The following NAALADL2 variants were observed in gnomAD, a reference collection of about 807,000 sequenced individuals.
NAALADL2 encodes N-acetylated alpha-linked acidic dipeptidase like 2.
Under a neutral mutation model 87.2 loss-of-function variants are expected in NAALADL2, and 76 were observed. The ratio of observed to expected loss-of-function variants is 0.87; its 90% CI spans 0.72 to 1.05. The LOEUF (loss-of-function observed/expected upper bound fraction) is 1.05. NAALADL2 is among the 50% of genes least tolerant of loss of function. The pLI is 0.00. For missense variants in NAALADL2, 1,089 were observed against 945.8 expected, an observed-to-expected ratio of 1.15 and a Z score of -1.99; for synonymous variants, 354 against 331.0, an observed-to-expected ratio of 1.07 and a Z score of -0.75.
chr3:175,573,604 G>A (rs78708200), intron 9 of NAALADL2, among the ~76,000 whole-genome samples: 3,514 of 152,238 alleles, frequency 0.023, 154 homozygotes, highest in African/African-American at 0.08. Context: ...TACCTCCAGA[G>A]GTGCTCGGGA....
chr3:175,015,404 G>A lies in NAALADL2; in HGVS notation c.44-81386G>A, dbSNP rs115963800. Among the ~76,000 whole-genome samples, 712 of 152,220 alleles carry A rather than the reference G, an allele frequency of 4.7e-3. 11 individuals carry two copies. Among genetic ancestry groups the A allele is most frequent in the African/African-American group, 0.017 (689 of 41,560 alleles). The stretch of plus-strand genomic sequence containing the variant: ...TAGGGAAAAGCCTGTTCTGCCATTA[G>A]AGAAGTGCATTAAGCAGTCGCCGTT... On this transcript the variant is annotated intron_variant, in intron 1 of 13. Coordinates refer to ENST00000454872, the MANE Select transcript of NAALADL2 (RefSeq NM_207015.3).
At chr3:174,817,090 G>A (rs1026057530) in intron 3 of NAALADL2, among the ~76,000 whole-genome samples, 1 of 152,138 alleles carries the variant, frequency 6.6e-6, no homozygotes, top group African/African-American at 2.4e-5. Flanking sequence ...TTACTTTGGT[G>A]GAAGTGTGTG....
chr3:174,906,604 T>G (rs1732993882), intron 1 of NAALADL2, among the ~76,000 whole-genome samples: 1 of 152,072 alleles, frequency 6.6e-6, no homozygotes, highest in South Asian at 2.1e-4. Context: ...TGCAAAGAAC[T>G]GAATCTTGCC....
intron 13 of NAALADL2, among the ~76,000 whole-genome samples, chr3:175,772,981 A>G (rs1749713288): frequency 6.6e-6 from 1 of 152,120 alleles, no homozygotes; most frequent in Non-Finnish European, 1.5e-5. Flanking sequence ...TCGAGGAGTA[A>G]AAGGTTTGTG....
chr3:175,144,147 A>G (rs1163942610), intron 2 of NAALADL2, among the ~76,000 whole-genome samples: 2 of 151,926 alleles, frequency 1.3e-5, no homozygotes, highest in Non-Finnish European at 2.9e-5. Flanking sequence ...AAAGATGGCT[A>G]TAAAACACTG....
chr3:174,767,082 G>A (rs960164395), intron 3 of NAALADL2, among the ~76,000 whole-genome samples: 2 of 152,168 alleles, frequency 1.3e-5, no homozygotes, highest in Non-Finnish European at 2.9e-5. Context: ...ACAGCCTTTG[G>A]TTCAGTCTCA....
At chr3:175,024,552 G>A (rs1394730636) in intron 1 of NAALADL2, among the ~76,000 whole-genome samples, 1 of 151,950 alleles carries the variant, frequency 6.6e-6, no homozygotes, top group Admixed American at 6.6e-5. Flanking sequence ...ATAGGTAAGA[G>A]GAAATGAGAA....
chr3:174,842,761 A>G (rs913981183), intron 3 of NAALADL2, among the ~76,000 whole-genome samples: 70 of 152,124 alleles, frequency 4.6e-4, no homozygotes, highest in Admixed American at 1.2e-3. Context: ...AATTATGAAA[A>G]CTTACCTACA....
chr3:174,837,370 T>C (rs113110170), intron 3 of NAALADL2, among the ~76,000 whole-genome samples: 4 of 152,340 alleles, frequency 2.6e-5, no homozygotes, highest in Non-Finnish European at 4.4e-5. Flanking sequence ...AACACCTTTA[T>C]GCACATAAAC....
chr3:174,646,861 C>T (rs1338742834), intron 2 of NAALADL2, among the ~76,000 whole-genome samples: 1 of 152,036 alleles, frequency 6.6e-6, no homozygotes, highest in Non-Finnish European at 1.5e-5. Context: ...AATAACATTA[C>T]ATTTGATTAA....
chr3:175,547,553 C>A (rs1713564632), intron 9 of NAALADL2, among the ~76,000 whole-genome samples: 1 of 151,854 alleles, frequency 6.6e-6, no homozygotes, highest in South Asian at 2.1e-4. Context: ...CAAAAATTGA[C>A]AAAATGGAAT....
intron 1 of NAALADL2, among the ~76,000 whole-genome samples, chr3:174,933,796 A>G (rs1737265197): frequency 6.6e-6 from 1 of 152,194 alleles, no homozygotes; most frequent in South Asian, 2.1e-4. Flanking sequence ...CTCAGTTATA[A>G]GTAAAACTAA....
intron 2 of NAALADL2, among the ~76,000 whole-genome samples, chr3:175,200,364 C>G (rs1477639216): frequency 6.6e-6 from 1 of 152,026 alleles, no homozygotes; most frequent in Non-Finnish European, 1.5e-5. Context: ...TTCTCTCTCT[C>G]TCTTTTTTTC....
chr3:175,720,728 T>A (rs1011024865), intron 11 of NAALADL2, among the ~76,000 whole-genome samples: 1 of 152,062 alleles, frequency 6.6e-6, no homozygotes, highest in Non-Finnish European at 1.5e-5. Context: ...AGACTGCAAC[T>A]AAGGACTCCT....
chr3:175,160,190 A>C (rs1002781434), intron 2 of NAALADL2, among the ~76,000 whole-genome samples: 1 of 151,846 alleles, frequency 6.6e-6, no homozygotes, highest in Non-Finnish European at 1.5e-5. Context: ...ATAGGTCACC[A>C]GTACAGTGGT....
intron 4 of NAALADL2, among the ~76,000 whole-genome samples, chr3:175,306,202 T>A (rs1757701577): frequency 6.6e-6 from 1 of 152,188 alleles, no homozygotes; most frequent in South Asian, 2.1e-4. Flanking sequence ...CACACTTTTT[T>A]ATTTTCTTAA....
intron 10 of NAALADL2, among the ~76,000 whole-genome samples, chr3:175,602,467 T>TATAG (rs1553930731): frequency 0.016 from 2,248 of 142,430 alleles, 62 homozygotes; most frequent in African/African-American, 0.058. Context: ...TCTATATATA[T>TATAG]AGAGAGAGAG....
chr3:174,515,715 G>A (rs1719902281), intron 1 of NAALADL2, among the ~76,000 whole-genome samples: 1 of 151,178 alleles, frequency 6.6e-6, no homozygotes, highest in African/African-American at 2.4e-5. Context: ...CTTAAAGGCT[G>A]AGTAAAGTTG....
chr3:174,741,599 G>A (rs1032879038), intron 3 of NAALADL2, among the ~76,000 whole-genome samples: 7 of 151,182 alleles, frequency 4.6e-5, no homozygotes, highest in African/African-American at 1.7e-4. Context: ...AGGTATAAAA[G>A]AAAAAACAAT....
Sources: gnomAD v4.1 joint callset for allele counts (sites outside exome capture counted in the v4.1 genomes callset) on GRCh38, gnomAD v4.1.1 for gene constraint, MANE v1.5 for transcripts, NCBI Gene and HGNC (gene_info 2026-07-23, HGNC 2026-07-21) for gene names.